RASAL2: variants seen among roughly 807,000 people sequenced by gnomAD.
RASAL2 encodes the protein RAS protein activator like 2.
In RASAL2, 58 loss-of-function variants were observed where a neutral mutation model predicts 128.9. That is an observed-to-expected ratio of 0.45 (90% CI 0.36 to 0.56). The LOEUF (loss-of-function observed/expected upper bound fraction) is 0.56, where lower values mean the gene tolerates loss of function less well. Ranked by LOEUF, RASAL2 falls within the 20% of genes least tolerant of loss-of-function variation. The pLI is 0.00. For synonymous variants in RASAL2, 561 were observed against 580.8 expected, an observed-to-expected ratio of 0.97 and a Z score of 0.49; for missense variants, 1,360 against 1,601.6, an observed-to-expected ratio of 0.85 and a Z score of 2.57.
chr1:178,223,459 C>T lies in RASAL2; in HGVS notation c.203-60105C>T, dbSNP rs1663686472. Among the ~76,000 whole-genome samples, 4 of 152,134 alleles carry T rather than the reference C, an allele frequency of 2.6e-5. No individual in the cohort carries two copies. In the South Asian group the frequency reaches 8.3e-4, roughly 32 times the overall value. On this transcript the variant is annotated intron_variant, in intron 1 of 17. Coordinates refer to ENST00000367649, the MANE Select transcript of RASAL2 (RefSeq NM_170692.4). ...TTGCAGAGAACAGGATGAGCAAGAG[C>T]CCTGTGGTGGGAAGGAGAGTGACAG...
Position 178,242,422 on chromosome 1 carries a change from ATTCTCTCTCTCTCTCT to A in RASAL2, c.203-41141_203-41126del, listed in dbSNP as rs1471505057. Among the ~76,000 whole-genome samples, 60 of 92,076 alleles carry A rather than the reference ATTCTCTCTCTCTCTCT, an allele frequency of 6.5e-4. 1 individual carries two copies. Among genetic ancestry groups the A allele is most frequent in the African/African-American group, 2.3e-3 (59 of 25,202 alleles). The allele number at this position is 92,076 out of a possible 152,430, so 60.4% of individuals were successfully genotyped here. A position where few individuals can be genotyped will look rare whatever the true frequency, so the allele number is the denominator to read the frequency against. On this transcript the variant is annotated intron_variant, in intron 1 of 17. Coordinates refer to ENST00000367649, the MANE Select transcript of RASAL2 (RefSeq NM_170692.4). Reference sequence around the variant, plus strand: ...CTGCTAATGACAATTTTTATAATTCATTCTCTCTCTCTCTCTCTCTCTCTCTCTCTCTCTCTCTCTC... The same window carrying A: ...CTGCTAATGACAATTTTTATAATTCACTCTCTCTCTCTCTCTCTCTCTCTC...
chr1:178,210,184 C>A (rs1663205678), intron 1 of RASAL2, among the ~76,000 whole-genome samples: 1 of 151,780 alleles, frequency 6.6e-6, no homozygotes. Flanking sequence ...TTTCATAGTT[C>A]TAGGATTTGT....
intron 3 of RASAL2, among the ~76,000 whole-genome samples, chr1:178,336,738 A>G (rs1669604680): frequency 6.6e-6 from 1 of 152,102 alleles, no homozygotes; most frequent in African/African-American, 2.4e-5. Flanking sequence ...CCAATATTAC[A>G]GGCACGTCCT....
At chr1:178,321,194 C>T (rs1668755961) in intron 3 of RASAL2, among the ~76,000 whole-genome samples, 1 of 152,096 alleles carries the variant, frequency 6.6e-6, no homozygotes, top group Admixed American at 6.5e-5. Flanking sequence ...ATCGATTCTC[C>T]TGTCCCAGCC....
At chr1:178,223,396 G>A (rs1382903076) in intron 1 of RASAL2, among the ~76,000 whole-genome samples, 6 of 152,174 alleles carry the variant, frequency 3.9e-5, no homozygotes, top group African/African-American at 1.4e-4. Context: ...GAAATCTGAA[G>A]CATGATAATG....
intron 1 of RASAL2, among the ~76,000 whole-genome samples, chr1:178,190,539 A>G (rs1662457040): frequency 1.3e-5 from 2 of 152,190 alleles, no homozygotes; most frequent in African/African-American, 4.8e-5. Context: ...TGAAATCTAA[A>G]AAGAAAGCTG....
chr1:178,373,568 C>T (rs1260406172), intron 3 of RASAL2, among the ~76,000 whole-genome samples: 1 of 151,940 alleles, frequency 6.6e-6, no homozygotes, highest in Non-Finnish European at 1.5e-5. Context: ...TTAGACTCTA[C>T]TACATCATGG....
intron 1 of RASAL2, among the ~76,000 whole-genome samples, chr1:178,188,933 T>G (rs1662399255): frequency 6.6e-6 from 1 of 152,142 alleles, no homozygotes; most frequent in African/African-American, 2.4e-5. Context: ...GTTCACTTAA[T>G]ATAGAGCCAT....
chr1:178,445,665 A>G lies in RASAL2; in HGVS notation c.1627+3A>G. 6.3e-7 allele frequency: 1 copy of G among 1,599,118 alleles called. No homozygotes were observed. Among genetic ancestry groups the G allele is most frequent in the Non-Finnish European group, 8.5e-7 (1 of 1,173,968 alleles). Reference sequence around the variant, plus strand: ...ACAGTATCTTCATGACGCACTGGGTATGAAAGAGAAAAACATCTATTTTCT... The same window carrying G: ...ACAGTATCTTCATGACGCACTGGGTGTGAAAGAGAAAAACATCTATTTTCT... On this transcript the variant is annotated splice_donor_region_variant and intron_variant, in intron 9 of 17. Coordinates refer to ENST00000367649, the MANE Select transcript of RASAL2 (RefSeq NM_170692.4).
rs143172363 is a variant in RASAL2, at chr1:178,456,739, G to A, written c.2230G>A (p.Gly744Arg). 3.3e-5 allele frequency: 54 copies of A among 1,613,926 alleles called. No individual in the cohort carries two copies. The African/African-American group carries it at 5.7e-4, about 17-fold the overall frequency. Reference sequence around the variant, plus strand: ...CCTACAGGCGACCGTGGCAAAATTGGGGCCTCTCCCTCGTGTTCTTGCTGA... The same window carrying A: ...CCTACAGGCGACCGTGGCAAAATTGAGGCCTCTCCCTCGTGTTCTTGCTGA... ...QLDKATVAKL[G>R]PLPRVLADIT... Residue 744 changes from glycine to arginine, a missense_variant, in exon 13 of 18, where the codon GGG becomes AGG. Coordinates refer to ENST00000367649, the MANE Select transcript of RASAL2 (RefSeq NM_170692.4).
chr1:178,214,022 A>G (rs1009550996), intron 1 of RASAL2, among the ~76,000 whole-genome samples: 5 of 152,068 alleles, frequency 3.3e-5, no homozygotes, highest in African/African-American at 1.2e-4. Flanking sequence ...ATTGATAGCA[A>G]TCCTTTGGGA....
chr1:178,350,946 G>A (rs1012061057), intron 3 of RASAL2, among the ~76,000 whole-genome samples: 1 of 152,176 alleles, frequency 6.6e-6, no homozygotes, highest in Non-Finnish European at 1.5e-5. Context: ...TGTACAGGAA[G>A]CATGGCATCA....
rs1660756245 is a variant in RASAL2, at chr1:178,147,103, TGTG to T, written c.202+52412_202+52414del. 2.0e-5 allele frequency among the ~76,000 whole-genome samples: 3 copies of T among 150,712 alleles called. No homozygotes were observed. The South Asian group carries it at 6.3e-4, about 31-fold the overall frequency. On this transcript the variant is annotated intron_variant, in intron 1 of 17. Transcript: ENST00000367649. Reference sequence around the variant, plus strand: ...AATTGGTTTTGTCAGTGTAGATACTTGTGGTAGATAATCGTTTTATTTTGAACT... The same window carrying T: ...AATTGGTTTTGTCAGTGTAGATACTTGTAGATAATCGTTTTATTTTGAACT...
At chr1:178,348,925 A>G (rs1030357789) in intron 3 of RASAL2, among the ~76,000 whole-genome samples, 41 of 149,540 alleles carry the variant, frequency 2.7e-4, no homozygotes, top group African/African-American at 9.6e-4. Context: ...TCAGCCTCCC[A>G]AGTAGCTGGG....
intron 4 of RASAL2, among the ~76,000 whole-genome samples, chr1:178,413,692 A>G (rs995341124): frequency 3.3e-5 from 5 of 152,250 alleles, no homozygotes; most frequent in African/African-American, 1.2e-4. Context: ...CCAGCCTCAG[A>G]AAATATTGAA....
At chr1:178,436,541 T>C (rs1472178723) in intron 5 of RASAL2, among the ~76,000 whole-genome samples, 1 of 152,078 alleles carries the variant, frequency 6.6e-6, no homozygotes, top group Non-Finnish European at 1.5e-5. Context: ...GTAAGCCAGG[T>C]AAGTTTCAGT....
At chr1:178,239,197 G>A (rs1429195841) in intron 1 of RASAL2, among the ~76,000 whole-genome samples, 2 of 152,082 alleles carry the variant, frequency 1.3e-5, no homozygotes, top group Non-Finnish European at 2.9e-5. Flanking sequence ...AAGGGATATT[G>A]ATTCATATAA....
intron 5 of RASAL2, among the ~76,000 whole-genome samples, chr1:178,429,927 T>C (rs1443426934): frequency 6.6e-6 from 1 of 152,058 alleles, no homozygotes; most frequent in Non-Finnish European, 1.5e-5. Context: ...TCTTCCCACA[T>C]ATCATCCTAG....
chr1:178,117,696 A>C (rs1432384406), intron 1 of RASAL2, among the ~76,000 whole-genome samples: 1 of 152,216 alleles, frequency 6.6e-6, no homozygotes, highest in Non-Finnish European at 1.5e-5. Context: ...AGAATGCAGC[A>C]AGAGGCACTG....
Sources: gnomAD v4.1 joint callset for allele counts (sites outside exome capture counted in the v4.1 genomes callset) on GRCh38, gnomAD v4.1.1 for gene constraint, MANE v1.5 for transcripts, NCBI Gene and HGNC (gene_info 2026-07-23, HGNC 2026-07-21) for gene names.